ELP2: variants seen among roughly 807,000 people sequenced by gnomAD.
The protein encoded by ELP2 is elongator complex protein 2.
Under a neutral mutation model 119.2 loss-of-function variants are expected in ELP2, and 90 were observed. The ratio of observed to expected loss-of-function variants is 0.75; its 90% CI spans 0.64 to 0.90. The LOEUF is 0.90. Among genes scored for constraint, ELP2 ranks in the 40% least tolerant of loss-of-function variants. The probability of loss-of-function intolerance (pLI) is 0.00; values close to 1 mark genes in which losing one functional copy is unlikely to be tolerated. For synonymous variants in ELP2, 339 were observed against 331.0 expected (o/e 1.02, Z -0.26); for missense variants, 921 against 967.8 (o/e 0.95, Z 0.64).
Position 36,145,998 on chromosome 18 carries a change from A to C in ELP2, c.943A>C (p.Thr315Pro). 1 of 1,614,022 alleles carries C rather than the reference A, an allele frequency of 6.2e-7. No homozygotes were observed. Among genetic ancestry groups the C allele is most frequent in the Non-Finnish European group, 8.5e-7 (1 of 1,179,930 alleles). The part of the protein sequence containing the change: ...VRLLSASMDK[T>P]MILWAPDEES... Reference sequence around the variant, plus strand: ...ATTATTATCTGCTTCCATGGATAAAACCATGATTCTCTGGGCTCCAGATGA... The same window carrying C: ...ATTATTATCTGCTTCCATGGATAAACCCATGATTCTCTGGGCTCCAGATGA... Residue 315 changes from threonine (T) to proline (P), a missense_variant, in exon 10 of 22, where the codon ACC (threonine) becomes CCC (proline). Transcript: ENST00000358232.
At chr18:36,167,080 G>T (rs1348501803) in intron 18 of ELP2, 21 bp from the exon 19 acceptor site, 4 of 1,592,524 alleles carry the variant, frequency 2.5e-6, no homozygotes, top group Non-Finnish European at 3.4e-6. Context: ...TTTGTGAATA[G>T]TGTATACATA....
In ELP2 at chr18:36,171,119, A is replaced by G. The variant is rs774932152; in HGVS notation, c.2283A>G (p.Pro761=). 3 of 1,614,108 alleles carry G rather than the reference A, an allele frequency of 1.9e-6. No individual in the cohort carries two copies. The highest frequency in any genetic ancestry group is 2.5e-6 in the Non-Finnish European group (3 of 1,179,924). The part of the protein sequence containing the change: ...LYTWKKTDQV[P]EINDWTHCVE... ...CCTGGAAAAAGACTGATCAAGTTCC[A>G]GAAATAAATGACTGGACCCACTGTG... is the stretch of plus-strand genomic sequence containing the variant. Residue 761 remains proline, a synonymous_variant, in exon 21 of 22, where the codon CCA becomes CCG. Coordinates refer to ENST00000358232, the MANE Select transcript of ELP2 (RefSeq NM_018255.4).
chr18:36,167,884 C>T (rs538114275), intron 19 of ELP2, among the ~76,000 whole-genome samples: 2 of 151,620 alleles, frequency 1.3e-5, no homozygotes, highest in East Asian at 3.9e-4. Context: ...TGCCATGTTG[C>T]CAGGCTGGTC....
chr18:36,154,496 A>G (rs1285558254), intron 11 of ELP2, among the ~76,000 whole-genome samples: 1 of 152,240 alleles, frequency 6.6e-6, no homozygotes, highest in African/African-American at 2.4e-5. Flanking sequence ...TGTACTTTAC[A>G]AAAGTAACTC....
chr18:36,130,137 G>C, intron 1 of ELP2, 66 bp downstream of exon 1: 1 of 1,608,686 alleles, frequency 6.2e-7, no homozygotes, highest in Non-Finnish European at 8.5e-7. Context: ...CGTGCTCCGG[G>C]CGCGCTGTTA....
At chr18:36,140,504 G>A (rs768144729) in intron 5 of ELP2, among the ~76,000 whole-genome samples, 1 of 151,880 alleles carries the variant, frequency 6.6e-6, no homozygotes, top group African/African-American at 2.4e-5. Flanking sequence ...ATGCCACCAC[G>A]CCCAGATAAT....
At chr18:36,137,077 G>A (rs995578526) in intron 3 of ELP2, 1 of 152,160 alleles carries the variant, frequency 6.6e-6, no homozygotes, top group African/African-American at 2.4e-5. Context: ...TGCAAAATCT[G>A]AGCAGAGTTA....
intron 5 of ELP2, 48 bp downstream of exon 5, chr18:36,138,920 C>T (rs1037102593): frequency 2.2e-6 from 3 of 1,360,802 alleles, no homozygotes; most frequent in African/African-American, 2.9e-5. Flanking sequence ...TATTTGCATA[C>T]TGTCATATGA....
chr18:36,179,789 CCT>C lies in ELP2; in HGVS notation c.*5151_*5152del, dbSNP rs1382081541. ...TCTTTGGCTTTTGCTGACATTTTCC[CCT>C]CTTATCTTTTCTCCTGACCAAGTTC... On this transcript the variant is annotated 3_prime_UTR_variant, in exon 22 of 22. Transcript: ENST00000358232. 1 of 152,198 alleles carries C rather than the reference CCT, an allele frequency of 6.6e-6. No homozygotes were observed. Among genetic ancestry groups the C allele is most frequent in the Non-Finnish European group, 1.5e-5 (1 of 68,084 alleles). 9.4% of individuals were successfully genotyped at this position (152,198 alleles called of 1,614,324 possible). A position where few individuals can be genotyped will look rare whatever the true frequency, so the allele number is the denominator to read the frequency against.
intron 10 of ELP2, 23 bp from the exon 11 acceptor site, chr18:36,146,227 G>A (rs530549912): frequency 2.2e-5 from 36 of 1,613,820 alleles, no homozygotes; most frequent in Non-Finnish European, 3.0e-5. Flanking sequence ...ATTAAGAATT[G>A]TTTTCTGTCT....
chr18:36,142,314 G>A lies in ELP2; in HGVS notation c.622G>A (p.Asp208Asn). Residue 208 changes from aspartate (D) to asparagine (N), a missense_variant, in exon 7 of 22, where the codon GAT becomes AAT. Physicochemically the swap from Asp to Asn is conservative, Grantham distance 23 (BLOSUM62 1). Coordinates refer to ENST00000358232, the MANE Select transcript of ELP2 (RefSeq NM_018255.4). ...QKVLSLCGHE[D>N]WIRGVEWAAF... ...AGTGCTTTCTCTCTGTGGACATGAG[G>A]ATTGGATTAGAGGAGTGGAATGGGC... 1.2e-6 allele frequency: 2 copies of A among 1,614,024 alleles called. No homozygotes were observed. The highest frequency in any genetic ancestry group is 1.7e-6 in the Non-Finnish European group (2 of 1,179,966).
At chr18:36,130,208 G>A in intron 1 of ELP2, 137 bp downstream of exon 1, 1 of 1,103,176 alleles carries the variant, frequency 9.1e-7, no homozygotes, top group Non-Finnish European at 1.3e-6. Context: ...GTTTGGGCTC[G>A]GAGTCTCCAG....
chr18:36,141,171 A>G lies in ELP2; in HGVS notation c.558A>G (p.Arg186=), dbSNP rs201447741. ...PILACGNDDC[R]IHIFAQQNDQ... ...TAGCATGTGGCAATGATGATTGCAGAATTCACATATTTGCTCAACAAAATG... is the reference window on the plus strand; with the variant it reads ...TAGCATGTGGCAATGATGATTGCAGGATTCACATATTTGCTCAACAAAATG... The change falls in exon 6 of 22, where the codon AGA becomes AGG. Residue 186 remains arginine (R), a synonymous_variant. Transcript: ENST00000358232. 1 of 1,613,864 alleles carries G rather than the reference A, an allele frequency of 6.2e-7. No homozygotes were observed. Among genetic ancestry groups the G allele is most frequent in the African/African-American group, 1.3e-5 (1 of 75,044 alleles).
chr18:36,139,899 G>T (rs917555091), intron 5 of ELP2: 6 of 171,380 alleles, frequency 3.5e-5, no homozygotes, highest in African/African-American at 9.6e-5. Context: ...CACTCAGGCT[G>T]GAGTGCAGTG....
intron 11 of ELP2, among the ~76,000 whole-genome samples, chr18:36,146,873 A>T (rs1462876953): frequency 6.6e-6 from 1 of 152,004 alleles, no homozygotes; most frequent in Non-Finnish European, 1.5e-5. Context: ...TAGTCATGTA[A>T]CTGTCTCTCT....
intron 13 of ELP2, 80 bp downstream of exon 13, chr18:36,156,734 A>G: frequency 8.2e-7 from 1 of 1,225,882 alleles, no homozygotes; most frequent in Non-Finnish European, 1.2e-6. Context: ...TAGGCTTTAA[A>G]TGGAATATAT....
At chr18:36,169,075 C>A (rs1281002753) in intron 19 of ELP2, among the ~76,000 whole-genome samples, 2 of 151,752 alleles carry the variant, frequency 1.3e-5, no homozygotes, top group Non-Finnish European at 2.9e-5. Flanking sequence ...CAGGCACCCA[C>A]CACCATGCCC....
In ELP2 at chr18:36,174,647, T is replaced by C. The variant is rs2144847651; in HGVS notation, c.*6T>C. 1 of 1,613,654 alleles carries C rather than the reference T, an allele frequency of 6.2e-7. No homozygotes were observed. Among genetic ancestry groups the C allele is most frequent in the Non-Finnish European group, 8.5e-7 (1 of 1,179,650 alleles). ...TCAATAAATGTGCACTGTAATGGAC[T>C]TAATAACTACATGCTTGCAGTCACT... On this transcript the variant is annotated 3_prime_UTR_variant, in exon 22 of 22. Coordinates refer to ENST00000358232, the MANE Select transcript of ELP2 (RefSeq NM_018255.4).
intron 13 of ELP2, among the ~76,000 whole-genome samples, chr18:36,157,168 C>G (rs1177458559): frequency 2.0e-5 from 3 of 152,034 alleles, no homozygotes; most frequent in African/African-American, 7.3e-5. Flanking sequence ...GGGTAACTTT[C>G]TTTTTTATGT....
Sources: allele counts gnomAD v4.1 joint callset (sites outside exome capture counted in the v4.1 genomes callset), GRCh38; gene constraint gnomAD v4.1.1; transcripts MANE v1.5; gene names NCBI Gene and HGNC (gene_info 2026-07-23, HGNC 2026-07-21).